Variants in PARP16 observed in about 807,000 individuals in gnomAD.
PARP16 encodes the protein poly(ADP-ribose) polymerase family member 16.
A neutral mutation model predicts 35.0 loss-of-function variants in PARP16; 31 were observed. The observed-to-expected ratio is 0.88, with a 90% CI of 0.66 to 1.19. The LOEUF (loss-of-function observed/expected upper bound fraction) is 1.19, where lower values mean the gene tolerates loss of function less well. Ranked by LOEUF, PARP16 falls within the 50% of genes most tolerant of loss-of-function variation. The pLI is 0.00. For synonymous variants in PARP16, 162 were observed against 169.5 expected, an observed-to-expected ratio of 0.96 and a Z score of 0.34; for missense variants, 424 against 411.2, an observed-to-expected ratio of 1.03 and a Z score of -0.27.
At chr15:65,283,351 C>T (rs939042790) in intron 1 of PARP16, among the ~76,000 whole-genome samples, 6 of 152,160 alleles carry the variant, frequency 3.9e-5, no homozygotes, top group Admixed American at 6.6e-5. Context: ...GTCCCTCTCT[C>T]ACCCTGCCAC....
intron 3 of PARP16, among the ~76,000 whole-genome samples, chr15:65,241,436 C>T (rs557778522): frequency 4.9e-4 from 74 of 152,318 alleles, no homozygotes; most frequent in African/African-American, 1.7e-3. Context: ...CCACCATGCC[C>T]GGCCAGTTTT....
intron 1 of PARP16, 99 bp downstream of exon 1, chr15:65,286,154 G>T: frequency 2.0e-6 from 2 of 1,001,602 alleles, no homozygotes; most frequent in Non-Finnish European, 2.8e-6. Flanking sequence ...TCTGGCGGCT[G>T]TCATGTTTAC....
chr15:65,274,335 C>T (rs987726813), intron 1 of PARP16, among the ~76,000 whole-genome samples: 7 of 150,426 alleles, frequency 4.7e-5, no homozygotes, highest in East Asian at 2.0e-4. Context: ...CTGAGGTGGG[C>T]GGAGCTCTTC....
intron 4 of PARP16, among the ~76,000 whole-genome samples, chr15:65,262,671 C>T (rs943347601): frequency 7.4e-6 from 1 of 135,748 alleles, no homozygotes; most frequent in Admixed American, 7.5e-5. Context: ...AGGGTCTGGA[C>T]CCAGCATCCT....
Position 65,286,562 on chromosome 15 carries a change from G to T in PARP16, c.-136C>A. On this transcript the variant is annotated 5_prime_UTR_variant, in exon 1 of 6. It adds an upstream start codon to the 5' untranslated region. Coordinates refer to ENST00000649807, the MANE Select transcript of PARP16 (RefSeq NM_001316943.2). ...CCCAAGCCTGGGGTGGAGCTAGGCA[G>T]GGGGCTGAGATGACAGGGGTGAGAA... 1 of 606,974 alleles carries T rather than the reference G, an allele frequency of 1.6e-6. No homozygotes were observed. Among genetic ancestry groups the T allele is most frequent in the South Asian group, 2.3e-5 (1 of 42,946 alleles). 37.6% of individuals were successfully genotyped at this position (606,974 alleles called of 1,614,324 possible). A position where few individuals can be genotyped will look rare whatever the true frequency, so the allele number is the denominator to read the frequency against.
chr15:65,248,979 C>T (rs2089286304), intron 2 of PARP16, among the ~76,000 whole-genome samples: 1 of 152,182 alleles, frequency 6.6e-6, no homozygotes, highest in South Asian at 2.1e-4. Context: ...AGCTCTATTG[C>T]CAACTAGATG....
downstream of PARP16, among the ~76,000 whole-genome samples, chr15:65,257,677 T>A (rs2089557912): frequency 1.3e-5 from 2 of 149,818 alleles, no homozygotes; most frequent in South Asian, 4.2e-4. Context: ...TTGTGAAAAT[T>A]AACCAGTATA....
intron 1 of PARP16, among the ~76,000 whole-genome samples, chr15:65,274,611 G>T (rs2090194138): frequency 6.7e-6 from 1 of 150,002 alleles, no homozygotes; most frequent in Non-Finnish European, 1.5e-5. Flanking sequence ...GAGTGCAAAT[G>T]CTCCATGAGT....
chr15:65,268,739 CT>C (rs2089986378), intron 2 of PARP16, among the ~76,000 whole-genome samples: 1 of 151,850 alleles, frequency 6.6e-6, no homozygotes, highest in Non-Finnish European at 1.5e-5. Context: ...CCACTGCCCC[CT>C]AGTCCATTTC....
intron 3 of PARP16, among the ~76,000 whole-genome samples, chr15:65,236,416 C>T (rs1220369013): frequency 6.6e-6 from 1 of 152,176 alleles, no homozygotes; most frequent in African/African-American, 2.4e-5. Flanking sequence ...AGAGAGAATT[C>T]TCTGCAGAAG....
chr15:65,257,400 C>T (rs2089546480), downstream of PARP16, among the ~76,000 whole-genome samples: 1 of 150,390 alleles, frequency 6.6e-6, no homozygotes, highest in Non-Finnish European at 1.5e-5. Context: ...CACCACTGCA[C>T]TCTAGCCTAG....
chr15:65,265,426 CTAAG>C (rs1225277562), intron 3 of PARP16, among the ~76,000 whole-genome samples: 1 of 152,182 alleles, frequency 6.6e-6, no homozygotes, highest in African/African-American at 2.4e-5. Context: ...CATAGAGCTG[CTAAG>C]TAAGTCTCTG....
At chr15:65,270,787 A>G in intron 2 of PARP16, 148 bp downstream of exon 2, 1 of 736,810 alleles carries the variant, frequency 1.4e-6, no homozygotes. Flanking sequence ...ACACAGAACT[A>G]GAAAGTCTAA....
intron 3 of PARP16, among the ~76,000 whole-genome samples, chr15:65,239,002 G>C (rs1297862116): frequency 6.6e-6 from 1 of 152,120 alleles, no homozygotes; most frequent in Non-Finnish European, 1.5e-5. Flanking sequence ...ATGATGGCAT[G>C]TGCCTGTAGT....
chr15:65,242,396 CAA>C lies in PARP16; in HGVS notation c.*97+5719_*97+5720del, dbSNP rs35131686. ...ACATTTAGAATCAGCTTGTTTACTACAAAAAAAAAAAGATTGCTGCAATTTTG... is the reference window on the plus strand; with the variant it reads ...ACATTTAGAATCAGCTTGTTTACTACAAAAAAAAAGATTGCTGCAATTTTG... On this transcript the variant is annotated intron_variant and NMD_transcript_variant, in intron 3 of 3. Coordinates refer to the PARP16 transcript ENST00000559805. 9.4e-4 allele frequency among the ~76,000 whole-genome samples: 139 copies of C among 148,286 alleles called. 1 individual carries two copies. Among genetic ancestry groups the C allele is most frequent in the African/African-American group, 3.1e-3 (126 of 40,486 alleles).
At chr15:65,267,884 G>C (rs1475737802) in intron 2 of PARP16, among the ~76,000 whole-genome samples, 1 of 151,192 alleles carries the variant, frequency 6.6e-6, no homozygotes, top group Non-Finnish European at 1.5e-5. Context: ...GTAGAGATGG[G>C]GTTTCACCAT....
At chr15:65,242,750 G>T (rs117885425) in intron 3 of PARP16, among the ~76,000 whole-genome samples, 4,005 of 151,940 alleles carry the variant, frequency 0.026, 94 homozygotes, top group African/African-American at 0.061. Context: ...AGTCCTGCTC[G>T]GCTGGCCAGG....
At chr15:65,238,418 C>T (rs1433434761) in intron 3 of PARP16, among the ~76,000 whole-genome samples, 2 of 152,216 alleles carry the variant, frequency 1.3e-5, no homozygotes, top group African/African-American at 2.4e-5. Context: ...CCACATCTGT[C>T]CCTGGCCCAG....
chr15:65,280,329 C>T (rs1477536564), intron 1 of PARP16, among the ~76,000 whole-genome samples: 6 of 150,626 alleles, frequency 4.0e-5, no homozygotes, highest in African/African-American at 1.2e-4. Flanking sequence ...CCCAGCTACA[C>T]GGGAGGCTGA....
Sources: allele counts gnomAD v4.1 joint callset (sites outside exome capture counted in the v4.1 genomes callset), GRCh38; gene constraint gnomAD v4.1.1; transcripts MANE v1.5; gene names NCBI Gene and HGNC (gene_info 2026-07-23, HGNC 2026-07-21).